EFCAB5: variants seen among roughly 807,000 people sequenced by gnomAD.
EFCAB5 encodes EF-hand calcium-binding domain-containing protein 5.
Under a neutral mutation model 167.9 loss-of-function variants are expected in EFCAB5, and 131 were observed. The observed-to-expected ratio is 0.78, with a 90% CI of 0.68 to 0.90. EFCAB5 has a LOEUF of 0.90. EFCAB5 is among the 40% of genes least tolerant of loss of function. The probability of loss-of-function intolerance (pLI) is 0.00; values close to 1 mark genes in which losing one functional copy is unlikely to be tolerated. For synonymous variants in EFCAB5, 574 were observed against 602.8 expected, an observed-to-expected ratio of 0.95 and a Z score of 0.70; for missense variants, 1,663 against 1,745.2, an observed-to-expected ratio of 0.95 and a Z score of 0.84.
At chr17:30,052,804 A>T (rs559919811) in intron 9 of EFCAB5, among the ~76,000 whole-genome samples, 38 of 152,346 alleles carry the variant, frequency 2.5e-4, no homozygotes, top group African/African-American at 9.1e-4. Flanking sequence ...GAAGAAATGA[A>T]TGTTGGAAAA....
chr17:30,011,713 C>T (rs1428011642), intron 7 of EFCAB5, among the ~76,000 whole-genome samples: 7 of 152,188 alleles, frequency 4.6e-5, no homozygotes, highest in Middle Eastern at 3.4e-3. Context: ...TGGGCTGAGA[C>T]GATGGGGTTT....
rs568542300 is a variant in EFCAB5 at position 30,086,615 on chromosome 17, G to A, written c.3580-448G>A. 2.0e-4 allele frequency among the ~76,000 whole-genome samples: 31 copies of A among 151,910 alleles called. 1 individual carries two copies. The highest frequency in any genetic ancestry group is 1.7e-3 in the South Asian group (8 of 4,816). ...ACAAAAAAAAAAATTAGCCGGGGCCGGGTGTGGTGGCTCACGCCTGTAATC... is the reference window on the plus strand; with the variant it reads ...ACAAAAAAAAAAATTAGCCGGGGCCAGGTGTGGTGGCTCACGCCTGTAATC... On this transcript the variant is annotated intron_variant, in intron 18 of 22. Coordinates refer to ENST00000394835, the MANE Select transcript of EFCAB5 (RefSeq NM_198529.4).
intron 3 of EFCAB5, among the ~76,000 whole-genome samples, chr17:29,949,050 C>A (rs565517659): frequency 2.6e-5 from 4 of 152,282 alleles, no homozygotes; most frequent in South Asian, 4.1e-4. Flanking sequence ...TTAAGTAGCC[C>A]TGCTGGGTCA....
chr17:30,048,669 G>A (rs2069997421), intron 8 of EFCAB5, among the ~76,000 whole-genome samples: 1 of 151,972 alleles, frequency 6.6e-6, no homozygotes, highest in African/African-American at 2.4e-5. Context: ...TATATTTTTA[G>A]TAGAGATGGG....
At chr17:29,963,272 T>A (rs2067759114) in intron 3 of EFCAB5, among the ~76,000 whole-genome samples, 1 of 152,192 alleles carries the variant, frequency 6.6e-6, no homozygotes, top group Non-Finnish European at 1.5e-5. Flanking sequence ...CTACCTTTAT[T>A]ATTTTTAGGA....
chr17:30,082,898 C>G lies in EFCAB5; in HGVS notation c.3434C>G (p.Ala1145Gly). 1 of 1,612,854 alleles carries G rather than the reference C, an allele frequency of 6.2e-7. No individual in the cohort carries two copies. Among genetic ancestry groups the G allele is most frequent in the Non-Finnish European group, 8.5e-7 (1 of 1,179,356 alleles). ...AATTTTCTGTCTCTACAGGGTGTTGCTAATGTCTTTAGCACTGCCTATCAC... is the reference window on the plus strand; with the variant it reads ...AATTTTCTGTCTCTACAGGGTGTTGGTAATGTCTTTAGCACTGCCTATCAC... ...PHEIRFYQGV[A>G]NVFSTAYHYV... The change falls in exon 18 of 23, where the codon GCT becomes GGT. Residue 1145 changes from alanine (A) to glycine (G), a missense_variant. By Grantham distance (60) the Ala-to-Gly change is moderately conservative (BLOSUM62 0). Transcript: ENST00000394835.
chr17:30,034,493 GT>G, intron 8 of EFCAB5, 108 bp downstream of exon 8: 2 of 1,355,450 alleles, frequency 1.5e-6, no homozygotes, highest in Non-Finnish European at 2.0e-6. Context: ...GAGCCCAGGA[GT>G]TTGAGACCAG....
intron 17 of EFCAB5, among the ~76,000 whole-genome samples, chr17:30,082,390 CT>C (rs71138871): frequency 0.013 from 1,256 of 98,198 alleles, 14 homozygotes; most frequent in African/African-American, 0.042. Flanking sequence ...CTTTATACCT[CT>C]TTTTTTTTTT....
At position 29,982,379 on chromosome 17, in the gene EFCAB5, C is replaced by A. The variant is rs142014620; in HGVS notation, c.768-10786C>A. Among the ~76,000 whole-genome samples the A allele has an allele frequency of 4.1e-3, 625 of 151,574 alleles. 5 individuals carry two copies. The highest frequency in any genetic ancestry group is 0.014 in the African/African-American group (593 of 41,328). On this transcript the variant is annotated intron_variant, in intron 4 of 22. Coordinates refer to ENST00000394835, the MANE Select transcript of EFCAB5 (RefSeq NM_198529.4). Reference sequence around the variant, plus strand: ...CTGCATTCCAGCCTAGGTGACAGAGCAAGACTGTCTCAAAAAAAAAAGAAA... The same window carrying A: ...CTGCATTCCAGCCTAGGTGACAGAGAAAGACTGTCTCAAAAAAAAAAGAAA...
chr17:30,079,365 G>T (rs1333849947), intron 15 of EFCAB5, among the ~76,000 whole-genome samples: 1 of 152,102 alleles, frequency 6.6e-6, no homozygotes, highest in Non-Finnish European at 1.5e-5. Flanking sequence ...AAAGGCAAAA[G>T]AAAAGGGCAT....
At chr17:30,068,892 G>T in intron 14 of EFCAB5, 1 of 1,532,344 alleles carries the variant, frequency 6.5e-7, no homozygotes, top group Non-Finnish European at 9.0e-7. Flanking sequence ...ATGGGAGGAT[G>T]ACAGACACAG....
At chr17:30,056,313 C>T (rs1215364449) in intron 12 of EFCAB5, among the ~76,000 whole-genome samples, 157 bp downstream of exon 12, 1 of 152,146 alleles carries the variant, frequency 6.6e-6, no homozygotes, top group Non-Finnish European at 1.5e-5. Context: ...TAAATATATA[C>T]CAGATAGATA....
intron 19 of EFCAB5, among the ~76,000 whole-genome samples, chr17:30,089,942 T>C (rs1261850431): frequency 1.3e-5 from 2 of 152,220 alleles, no homozygotes; most frequent in African/African-American, 4.8e-5. Context: ...TCCCCTTGCC[T>C]GTCCTGCTTC....
intron 3 of EFCAB5, among the ~76,000 whole-genome samples, chr17:29,965,630 C>T (rs933322557): frequency 2.6e-5 from 4 of 152,132 alleles, no homozygotes; most frequent in African/African-American, 9.7e-5. Flanking sequence ...GTCATGGCAC[C>T]GTTTGTTGAA....
intron 19 of EFCAB5, 129 bp from the exon 20 acceptor site, chr17:30,090,292 T>C: frequency 8.1e-7 from 1 of 1,229,026 alleles, no homozygotes; most frequent in Admixed American, 2.8e-5. Context: ...TCCAGGCAGA[T>C]GAAACAGCAA....
rs1316391757 is a variant in EFCAB5 at position 29,959,491 on chromosome 17, G to A, written c.191-9300G>A. On this transcript the variant is annotated intron_variant, in intron 3 of 22. Coordinates refer to ENST00000394835, the MANE Select transcript of EFCAB5 (RefSeq NM_198529.4). ...GGCACTGGGTCTCACCCAAGGCAGT[G>A]AGTACTGCCTGGCTACCACTGATGT... 2.6e-5 allele frequency among the ~76,000 whole-genome samples: 4 copies of A among 152,044 alleles called. No homozygotes were observed. The East Asian group carries it at 7.8e-4, about 29-fold the overall frequency.
chr17:29,970,637 G>GACAC (rs34545008), intron 4 of EFCAB5, among the ~76,000 whole-genome samples: 58,935 of 138,440 alleles, frequency 0.43, 12,782 homozygotes, highest in Non-Finnish European at 0.45. Flanking sequence ...CTCAAAAACA[G>GACAC]ACACACACAC....
At chr17:30,022,608 T>C (rs2151709992) in intron 7 of EFCAB5, among the ~76,000 whole-genome samples, 1 of 152,288 alleles carries the variant, frequency 6.6e-6, no homozygotes, top group East Asian at 1.9e-4. Flanking sequence ...TTAATTTTCT[T>C]CCACCTTCCA....
At chr17:29,932,196 G>A (rs1190458761) in intron 1 of EFCAB5, among the ~76,000 whole-genome samples, 6 of 150,220 alleles carry the variant, frequency 4.0e-5, no homozygotes, top group Admixed American at 4.0e-4. Flanking sequence ...TGCCACCCAG[G>A]CTGGAGTGCA....
Sources: allele counts gnomAD v4.1 joint callset (sites outside exome capture counted in the v4.1 genomes callset), GRCh38; gene constraint gnomAD v4.1.1; transcripts MANE v1.5; gene names NCBI Gene and HGNC (gene_info 2026-07-23, HGNC 2026-07-21).